GRID2: variants seen among roughly 807,000 people sequenced by gnomAD.
GRID2 encodes the protein glutamate ionotropic receptor delta type subunit 2, also known as glutamate receptor ionotropic, delta-2.
GRID2 carries 33 observed loss-of-function variants against 114.8 expected under a neutral mutation model. The observed-to-expected ratio is 0.29, with a 90% CI of 0.22 to 0.38. GRID2 has a LOEUF of 0.38. Ranked by LOEUF, GRID2 falls within the 10% of genes least tolerant of loss-of-function variation. GRID2 has a pLI of 1.00. For missense variants in GRID2, 1,184 were observed against 1,257.7 expected (o/e 0.94, Z 0.89); for synonymous variants, 505 against 449.9 (o/e 1.12, Z -1.55).
At chr4:92,583,889 A>G (rs1041444248) in intron 1 of GRID2, among the ~76,000 whole-genome samples, 3 of 122,360 alleles carry the variant, frequency 2.5e-5, no homozygotes, top group Non-Finnish European at 5.1e-5. Flanking sequence ...GCATATGTGC[A>G]TATATATGTG....
intron 2 of GRID2, among the ~76,000 whole-genome samples, chr4:92,862,344 G>C (rs1031003912): frequency 7.9e-5 from 12 of 151,972 alleles, no homozygotes; most frequent in Non-Finnish European, 1.2e-4. Flanking sequence ...TTACTATAAC[G>C]TGAAAATTCT....
intron 1 of GRID2, among the ~76,000 whole-genome samples, chr4:92,312,330 T>A (rs1485833412): frequency 6.6e-6 from 1 of 152,104 alleles, no homozygotes; most frequent in African/African-American, 2.4e-5. Context: ...TTTAGAAAGA[T>A]AACATTCTTT....
intron 2 of GRID2, among the ~76,000 whole-genome samples, chr4:92,738,931 G>T (rs1736732509): frequency 1.3e-5 from 2 of 152,260 alleles, no homozygotes; most frequent in South Asian, 4.1e-4. Context: ...GCCTCCCAAA[G>T]TGCTGGGATT....
chr4:93,305,686 C>T (rs984694212), intron 8 of GRID2, among the ~76,000 whole-genome samples: 1 of 152,136 alleles, frequency 6.6e-6, no homozygotes, highest in Non-Finnish European at 1.5e-5. Flanking sequence ...AAAGAATAAT[C>T]TGAGGACCAA....
intron 2 of GRID2, among the ~76,000 whole-genome samples, chr4:92,837,707 A>G (rs1392452481): frequency 1.3e-5 from 2 of 152,122 alleles, no homozygotes; most frequent in Non-Finnish European, 2.9e-5. Context: ...ATACTATTAT[A>G]CTGTACCTTT....
intron 8 of GRID2, among the ~76,000 whole-genome samples, chr4:93,351,434 G>T (rs529796059): frequency 6.6e-6 from 1 of 151,956 alleles, no homozygotes; most frequent in Non-Finnish European, 1.5e-5. Flanking sequence ...GACTGATCAA[G>T]GTTATTGACA....
chr4:93,482,865 G>T (rs987236253), intron 11 of GRID2, among the ~76,000 whole-genome samples: 1 of 151,778 alleles, frequency 6.6e-6, no homozygotes, highest in African/African-American at 2.4e-5. Flanking sequence ...GCTTGCAAAT[G>T]GGTTCAATAT....
chr4:92,770,912 A>T (rs186970781), intron 2 of GRID2, among the ~76,000 whole-genome samples: 181 of 152,056 alleles, frequency 1.2e-3, no homozygotes, highest in African/African-American at 4.2e-3. Flanking sequence ...CATTTTTTTC[A>T]TTTTCATAAG....
At chr4:93,238,618 GA>G (rs908265833) in intron 8 of GRID2, 128 bp downstream of exon 8, 8 of 604,280 alleles carry the variant, frequency 1.3e-5, no homozygotes, top group Admixed American at 9.4e-5. Flanking sequence ...AGCAGGGGGT[GA>G]GGGGAAATTA....
At chr4:93,803,208 T>C (rs1480327982) in intron 1 of GRID2, among the ~76,000 whole-genome samples, 1 of 152,198 alleles carries the variant, frequency 6.6e-6, no homozygotes, top group Non-Finnish European at 1.5e-5. Context: ...TTTCAAGTAA[T>C]TTACAATTTG....
chr4:93,241,493 T>C (rs973132080), intron 8 of GRID2, among the ~76,000 whole-genome samples: 1 of 151,868 alleles, frequency 6.6e-6, no homozygotes, highest in African/African-American at 2.4e-5. Flanking sequence ...ATATGCATAA[T>C]TTTATATAAA....
chr4:92,411,239 A>T (rs1442400440), intron 1 of GRID2, among the ~76,000 whole-genome samples: 1 of 152,032 alleles, frequency 6.6e-6, no homozygotes, highest in Non-Finnish European at 1.5e-5. Context: ...TTGACACCTT[A>T]CTTCTCCTCA....
chr4:92,842,869 T>A (rs1743011238), intron 2 of GRID2, among the ~76,000 whole-genome samples: 1 of 152,028 alleles, frequency 6.6e-6, no homozygotes, highest in Non-Finnish European at 1.5e-5. Flanking sequence ...TCAGGTGTGG[T>A]AAGAAATGTG....
At chr4:93,750,680 C>T (rs113591814) in intron 14 of GRID2, among the ~76,000 whole-genome samples, 12,511 of 151,896 alleles carry the variant, frequency 0.082, 1,291 homozygotes, top group African/African-American at 0.24. Context: ...GGCGTGAACC[C>T]GGGAGGCAGA....
intron 10 of GRID2, among the ~76,000 whole-genome samples, chr4:93,430,996 CT>C (rs1769357092): frequency 6.6e-6 from 1 of 152,118 alleles, no homozygotes; most frequent in Non-Finnish European, 1.5e-5. Context: ...TGATGAGAAT[CT>C]ATCCTACCAT....
chr4:92,402,394 T>C (rs1285590640), intron 1 of GRID2, among the ~76,000 whole-genome samples: 3 of 152,202 alleles, frequency 2.0e-5, no homozygotes, highest in Non-Finnish European at 2.9e-5. Context: ...GAGGAACCAC[T>C]ACTTATGGCA....
chr4:93,125,168 G>C (rs900950761), intron 4 of GRID2, among the ~76,000 whole-genome samples: 4 of 151,892 alleles, frequency 2.6e-5, no homozygotes, highest in African/African-American at 9.7e-5. Context: ...ATTCACGTTA[G>C]ACCTGGGTCC....
chr4:93,623,821 AT>A (rs887562169), intron 13 of GRID2, among the ~76,000 whole-genome samples: 4 of 152,058 alleles, frequency 2.6e-5, no homozygotes, highest in Non-Finnish European at 4.4e-5. Context: ...TAATTTTTTA[AT>A]TTTCAAAATT....
chr4:92,418,070 A>G (rs1731706899), intron 1 of GRID2, among the ~76,000 whole-genome samples: 1 of 152,148 alleles, frequency 6.6e-6, no homozygotes, highest in South Asian at 2.1e-4. Context: ...GAAGAGACTA[A>G]TACAGTTATA....
Sources: allele counts gnomAD v4.1 joint callset (sites outside exome capture counted in the v4.1 genomes callset), GRCh38; gene constraint gnomAD v4.1.1; transcripts MANE v1.5; gene names NCBI Gene and HGNC (gene_info 2026-07-23, HGNC 2026-07-21).